NAF1: variants seen among roughly 807,000 people sequenced by gnomAD.
NAF1 encodes the protein nuclear assembly factor 1 ribonucleoprotein.
Under a neutral mutation model 40.6 loss-of-function variants are expected in NAF1, and 11 were observed. The observed-to-expected ratio is 0.27, with a 90% CI of 0.17 to 0.45. NAF1 has a LOEUF of 0.45. Ranked by LOEUF, NAF1 falls within the 20% of genes least tolerant of loss-of-function variation. The pLI is 1.00. For missense variants in NAF1, 607 were observed against 611.1 expected (o/e 0.99, Z 0.07); for synonymous variants, 260 against 228.5 (o/e 1.14, Z -1.24).
At chr4:163,165,790 G>A (rs985687434) in intron 1 of NAF1, among the ~76,000 whole-genome samples, 1 of 152,164 alleles carries the variant, frequency 6.6e-6, no homozygotes, top group Admixed American at 6.5e-5. Context: ...AAGGGGGAAA[G>A]GCTCTCACAA....
intron 2 of NAF1, chr4:163,119,969 A>G (rs992094873): frequency 1.3e-5 from 2 of 152,242 alleles, no homozygotes; most frequent in African/African-American, 2.4e-5. Context: ...GAACAATTAT[A>G]CCTAATCAAA....
chr4:163,158,857 T>C (rs1732101640), intron 2 of NAF1, among the ~76,000 whole-genome samples: 1 of 152,024 alleles, frequency 6.6e-6, no homozygotes, highest in Admixed American at 6.5e-5. Flanking sequence ...TAGCCTAAAT[T>C]TTTCAGAAAT....
At chr4:163,112,151 G>C (rs1169116464) in intron 2 of NAF1, among the ~76,000 whole-genome samples, 1 of 151,842 alleles carries the variant, frequency 6.6e-6, no homozygotes, top group Non-Finnish European at 1.5e-5. Context: ...AGATGAGAGA[G>C]ATAATAGCGA....
At chr4:163,142,783 A>G (rs1731313050) in intron 4 of NAF1, among the ~76,000 whole-genome samples, 1 of 152,206 alleles carries the variant, frequency 6.6e-6, no homozygotes, top group African/African-American at 2.4e-5. Context: ...TTAAATAACC[A>G]TTAGCCTCTG....
chr4:163,140,291 C>T lies in NAF1; in HGVS notation c.810G>A (p.Lys270=). ...TTGATGGAGCAAAATACATAGTCTC[C>T]TTTATTTTAATACCTTTACTCTCAA... The part of the protein sequence containing the change: ...DHIESKGIKI[K]ETMYFAPSMK... The change falls in exon 5 of 8, where the codon AAG becomes AAA. Residue 270 remains lysine (K), a synonymous_variant. Transcript: ENST00000274054. 6.2e-7 allele frequency: 1 copy of T among 1,607,398 alleles called. No individual in the cohort carries two copies. The highest frequency in any genetic ancestry group is 8.5e-7 in the Non-Finnish European group (1 of 1,176,694).
At chr4:163,145,691 T>C (rs1731435798) in intron 4 of NAF1, 91 bp downstream of exon 4, 1 of 826,594 alleles carries the variant, frequency 1.2e-6, no homozygotes, top group African/African-American at 1.8e-5. Context: ...TCAATTAAAA[T>C]AAATAAACTC....
At chr4:163,141,980 G>C (rs763366545) in intron 4 of NAF1, 3 of 941,802 alleles carry the variant, frequency 3.2e-6, no homozygotes, top group Non-Finnish European at 3.8e-6. Flanking sequence ...AAAAGAAGTA[G>C]TGACATTAAA....
At chr4:163,166,103 G>A (rs952751174) in intron 1 of NAF1, among the ~76,000 whole-genome samples, 3 of 152,028 alleles carry the variant, frequency 2.0e-5, no homozygotes, top group African/African-American at 7.2e-5. Context: ...AAAATGATAC[G>A]ATCTATACAT....
downstream of NAF1, among the ~76,000 whole-genome samples, chr4:163,107,015 C>T (rs535775218): frequency 2.4e-4 from 36 of 150,934 alleles, no homozygotes; most frequent in Non-Finnish European, 4.6e-4. Context: ...GAGATGGAGT[C>T]TCGCTCTGTC....
downstream of NAF1, among the ~76,000 whole-genome samples, chr4:163,122,487 C>A (rs1730545104): frequency 6.6e-6 from 1 of 152,156 alleles, no homozygotes; most frequent in African/African-American, 2.4e-5. Flanking sequence ...TTCCCTATGT[C>A]CCACTAGTAC....
chr4:163,151,052 TTG>T (rs1199833185), intron 2 of NAF1, among the ~76,000 whole-genome samples: 3 of 152,056 alleles, frequency 2.0e-5, no homozygotes, highest in Non-Finnish European at 4.4e-5. Context: ...GTGTTATGAA[TTG>T]TTTCTTGTAT....
In NAF1 at chr4:163,160,386, T is replaced by A. The variant is rs546897096; in HGVS notation, c.540+3831A>T. 2.7e-5 allele frequency among the ~76,000 whole-genome samples: 4 copies of A among 148,328 alleles called. No individual in the cohort carries two copies. In the South Asian group the frequency reaches 8.5e-4, roughly 32 times the overall value. ...AAAACAAAAACAAAAAACTGGGTTA[T>A]AACCACATCTTGGGATGGCAAGATT... On this transcript the variant is annotated intron_variant, in intron 2 of 7. Coordinates refer to ENST00000274054, the MANE Select transcript of NAF1 (RefSeq NM_138386.3).
chr4:163,152,982 G>T (rs1374743112), intron 2 of NAF1, among the ~76,000 whole-genome samples: 1 of 152,216 alleles, frequency 6.6e-6, no homozygotes, highest in Non-Finnish European at 1.5e-5. Context: ...GAGGGGCTTA[G>T]CACCCGGGCC....
chr4:163,166,843 A>C lies in NAF1; in HGVS notation c.-116T>G. On this transcript the variant is annotated 5_prime_UTR_variant, in exon 1 of 8. Coordinates refer to ENST00000274054, the MANE Select transcript of NAF1 (RefSeq NM_138386.3). ...ACCGCAGCAACACTGCCTGGGCCCA[A>C]CTTCCCGCGTTTCTCAGGTAACTAC... is the stretch of plus-strand genomic sequence containing the variant. 2 of 1,383,004 alleles carry C rather than the reference A, an allele frequency of 1.4e-6. No homozygotes were observed. 85.7% of individuals were successfully genotyped at this position (1,383,004 alleles called of 1,614,324 possible). A position where few individuals can be genotyped will look rare whatever the true frequency, so the allele number is the denominator to read the frequency against.
At chr4:163,113,996 A>G (rs777746222) in intron 2 of NAF1, among the ~76,000 whole-genome samples, 12 of 152,224 alleles carry the variant, frequency 7.9e-5, no homozygotes, top group African/African-American at 1.2e-4. Flanking sequence ...TTCGGTCAGA[A>G]AAACAAAGCC....
At chr4:163,142,658 A>G (rs952441962) in intron 4 of NAF1, among the ~76,000 whole-genome samples, 2 of 152,268 alleles carry the variant, frequency 1.3e-5, no homozygotes, top group African/African-American at 4.8e-5. Context: ...GAAGCCATAC[A>G]ATAGACAGTA....
chr4:163,110,868 AT>A lies in NAF1; in HGVS notation c.115-579del, dbSNP rs971740430. Among the ~76,000 whole-genome samples the A allele has an allele frequency of 2.0e-5, 3 of 152,092 alleles. No individual in the cohort carries two copies. The South Asian group carries it at 6.2e-4, about 31-fold the overall frequency. On this transcript the variant is annotated intron_variant, in intron 2 of 2. Transcript: ENST00000509434. ...CTGTAATCTCTAGGGATTTATTTATATTTTTTAAAAATGGATTAAGGCCTAC... is the reference window on the plus strand; with the variant it reads ...CTGTAATCTCTAGGGATTTATTTATATTTTTAAAAATGGATTAAGGCCTAC...
rs778170283 is a variant in NAF1, at chr4:163,166,455, G to A, written c.273C>T (p.Ala91=). 20 of 1,605,860 alleles carry A rather than the reference G, an allele frequency of 1.2e-5. No individual in the cohort carries two copies. The highest frequency in any genetic ancestry group is 5.1e-5 in the Admixed American group (3 of 59,206). ...CTGGGGAGGTGACGCAGTCTCCGCA[G>A]GCCGGCGATTCAGCCGGTGGCTGTG... ...PQPQPPAESP[A]CGDCVTSPGA... Residue 91 remains alanine, a synonymous_variant, in exon 1 of 8, where the codon GCC becomes GCT. Coordinates refer to ENST00000274054, the MANE Select transcript of NAF1 (RefSeq NM_138386.3).
At chr4:163,134,975 C>T (rs1331545833) in intron 6 of NAF1, 1 of 152,126 alleles carries the variant, frequency 6.6e-6, no homozygotes, top group Non-Finnish European at 1.5e-5. Flanking sequence ...GCTATCACTC[C>T]TAAAATCAGA....
Sources: gnomAD v4.1 joint callset for allele counts (sites outside exome capture counted in the v4.1 genomes callset) on GRCh38, gnomAD v4.1.1 for gene constraint, MANE v1.5 for transcripts, NCBI Gene and HGNC (gene_info 2026-07-23, HGNC 2026-07-21) for gene names.